Variants in SGCD observed in about 807,000 individuals in gnomAD.
The protein encoded by SGCD is sarcoglycan delta.
A neutral mutation model predicts 36.6 loss-of-function variants in SGCD; 18 were observed. The ratio of observed to expected loss-of-function variants is 0.49; its 90% CI spans 0.34 to 0.73. The LOEUF is 0.73. SGCD is among the 30% of genes least tolerant of loss of function. The pLI, the probability that SGCD is intolerant of heterozygous loss-of-function variation, is 0.01. For missense variants in SGCD, 387 were observed against 346.7 expected, an observed-to-expected ratio of 1.12 and a Z score of -0.92; for synonymous variants, 133 against 130.6, an observed-to-expected ratio of 1.02 and a Z score of -0.12.
At chr5:156,324,127 G>C (rs1767743805), upstream of SGCD, among the ~76,000 whole-genome samples, 1 of 152,174 alleles carries the variant, frequency 6.6e-6, no homozygotes, top group South Asian at 2.1e-4. Context: ...GGGGGAATTG[G>C]TGTGATGGTA....
At chr5:156,282,752 T>C (rs1766486227) in intron 3 of SGCD, among the ~76,000 whole-genome samples, 1 of 152,194 alleles carries the variant, frequency 6.6e-6, no homozygotes. Context: ...TTCTATTAGG[T>C]TGGTGCAAAA....
At chr5:155,838,434 G>A in the SGCD span, among the ~76,000 whole-genome samples, 1 of 151,874 alleles carries the variant, frequency 6.6e-6, no homozygotes, top group African/African-American at 2.4e-5. Flanking sequence ...ATTCCATAGG[G>A]TTTCTTACAT....
At chr5:156,428,995 A>G (rs1212836324) in intron 3 of SGCD, among the ~76,000 whole-genome samples, 2 of 152,008 alleles carry the variant, frequency 1.3e-5, no homozygotes, top group African/African-American at 4.8e-5. Flanking sequence ...GCTGATGAGA[A>G]TAATGTATAT....
rs150423147 is a variant in SGCD, at chr5:156,223,816, G to T, written c.-44+99797G>T. ...AAAGCAGGATGTAGATTGTGTGACA[G>T]TTGCTTTCAAGGATAAGCAAGGGCA... On this transcript the variant is annotated intron_variant, in intron 3 of 9. Coordinates refer to the SGCD transcript ENST00000517913. 1.6e-4 allele frequency among the ~76,000 whole-genome samples: 24 copies of T among 152,130 alleles called. No homozygotes were observed. The East Asian group carries it at 2.7e-3, about 17-fold the overall frequency.
intron 3 of SGCD, among the ~76,000 whole-genome samples, chr5:156,464,216 A>ATTTTTTTTTTTTTTTTTTTTTTTTTTT: frequency 8.6e-6 from 1 of 116,306 alleles, no homozygotes; most frequent in Non-Finnish European, 1.7e-5. Flanking sequence ...GAATCTACAT[A>ATTTTTTTTTTTTTTTTTTTTTTTTTTT]TTTTTTTTTT....
At chr5:155,945,651 T>A (rs1475119289) in intron 1 of SGCD, among the ~76,000 whole-genome samples, 1 of 152,096 alleles carries the variant, frequency 6.6e-6, no homozygotes, top group Non-Finnish European at 1.5e-5. Flanking sequence ...AAGTGCAGAT[T>A]GTGTGTCCGG....
At chr5:155,969,817 A>G (rs996283634) in intron 1 of SGCD, among the ~76,000 whole-genome samples, 4 of 152,070 alleles carry the variant, frequency 2.6e-5, no homozygotes, top group Admixed American at 2.0e-4. Context: ...TCTTGCTGCT[A>G]TGTTCACTGT....
At chr5:155,781,619 G>A in the SGCD span, among the ~76,000 whole-genome samples, 1 of 151,958 alleles carries the variant, frequency 6.6e-6, no homozygotes, top group South Asian at 2.1e-4. Context: ...GCACTACTAT[G>A]CCTGGCTAAT....
intron 1 of SGCD, among the ~76,000 whole-genome samples, chr5:156,013,142 C>T (rs1758895888): frequency 6.6e-6 from 1 of 151,720 alleles, no homozygotes; most frequent in African/African-American, 2.4e-5. Flanking sequence ...TCTCCTGCCT[C>T]AGCCTCCTAG....
At chr5:156,531,575 G>A (rs768718503) in intron 4 of SGCD, among the ~76,000 whole-genome samples, 5 of 152,124 alleles carry the variant, frequency 3.3e-5, no homozygotes, top group Non-Finnish European at 7.3e-5. Flanking sequence ...ACATCACAGG[G>A]TCGGTGGTCC....
chr5:156,311,050 TG>T (rs1209741306), intron 3 of SGCD, among the ~76,000 whole-genome samples: 1 of 152,210 alleles, frequency 6.6e-6, no homozygotes, highest in Non-Finnish European at 1.5e-5. Flanking sequence ...GGAAGAAACT[TG>T]GTGAGTTTAA....
chr5:156,200,311 A>T (rs1346905846), intron 3 of SGCD, among the ~76,000 whole-genome samples: 2 of 152,136 alleles, frequency 1.3e-5, no homozygotes, highest in Non-Finnish European at 2.9e-5. Context: ...TGGCATAAAG[A>T]CAGATACATA....
the SGCD span, among the ~76,000 whole-genome samples, chr5:155,801,050 G>A: frequency 1.3e-5 from 2 of 152,026 alleles, no homozygotes; most frequent in African/African-American, 4.8e-5. Context: ...TTTATCTGGT[G>A]TTCATCTCTC....
At chr5:156,686,161 G>C (rs569090004) in intron 7 of SGCD, among the ~76,000 whole-genome samples, 50 of 152,298 alleles carry the variant, frequency 3.3e-4, no homozygotes, top group African/African-American at 1.1e-3. Flanking sequence ...CTATGAGGTA[G>C]GTTCTGTTTT....
intron 3 of SGCD, among the ~76,000 whole-genome samples, chr5:156,210,353 C>T (rs1465465892): frequency 6.6e-6 from 1 of 152,164 alleles, no homozygotes; most frequent in African/African-American, 2.4e-5. Flanking sequence ...GAATAAGCCG[C>T]TGCTTTGACA....
At chr5:155,880,844 G>A (rs994387001) in intron 1 of SGCD, among the ~76,000 whole-genome samples, 1 of 151,940 alleles carries the variant, frequency 6.6e-6, no homozygotes, top group Non-Finnish European at 1.5e-5. Flanking sequence ...GACATAGATT[G>A]GTTAATATCG....
At chr5:155,961,655 C>T (rs1242955079) in intron 1 of SGCD, among the ~76,000 whole-genome samples, 1 of 152,030 alleles carries the variant, frequency 6.6e-6, no homozygotes, top group Non-Finnish European at 1.5e-5. Context: ...CAATTAAGAG[C>T]CAGAGTTATC....
At chr5:156,134,131 T>C (rs538378261) in intron 3 of SGCD, among the ~76,000 whole-genome samples, 4 of 152,312 alleles carry the variant, frequency 2.6e-5, no homozygotes, top group African/African-American at 9.6e-5. Context: ...TTGTTTATTC[T>C]TCCCCTTTGC....
chr5:156,686,597 G>A (rs1382667606), intron 7 of SGCD, among the ~76,000 whole-genome samples: 1 of 152,162 alleles, frequency 6.6e-6, no homozygotes. Flanking sequence ...AACAGCCATA[G>A]TACTTGATAC....
Sources: allele counts gnomAD v4.1 joint callset (sites outside exome capture counted in the v4.1 genomes callset), GRCh38; gene constraint gnomAD v4.1.1; transcripts MANE v1.5; gene names NCBI Gene and HGNC (gene_info 2026-07-23, HGNC 2026-07-21).